The following PIF1 variants were observed in gnomAD, a reference collection of about 807,000 sequenced individuals.
PIF1 encodes PIF1 5'-to-3' DNA helicase, also known as ATP-dependent DNA helicase PIF1.
Under a neutral mutation model 62.3 loss-of-function variants are expected in PIF1, and 67 were observed. The observed-to-expected ratio is 1.08, with a 90% CI of 0.88 to 1.32. The LOEUF is 1.32. Ranked by LOEUF, PIF1 falls within the 40% of genes most tolerant of loss-of-function variation. The pLI, the probability that PIF1 is intolerant of heterozygous loss-of-function variation, is 0.00. For synonymous variants in PIF1, 364 were observed against 379.5 expected, an observed-to-expected ratio of 0.96 and a Z score of 0.47; for missense variants, 886 against 866.1, an observed-to-expected ratio of 1.02 and a Z score of -0.29.
chr15:64,823,966 G>A lies in PIF1; in HGVS notation c.370C>T (p.Leu124=), dbSNP rs1396907222. The change falls in exon 2 of 13, where the codon CTG becomes TTG. Residue 124 remains leucine, a synonymous_variant. Coordinates refer to ENST00000559239, the MANE Select transcript of PIF1 (RefSeq NM_001286496.2). The stretch of plus-strand genomic sequence containing the variant: ...GGCCCGGGACCCGGGGCCGCAGCCA[G>A]CTTGAGGCGCAATGTGCGCAGGAAG... ...RRFLRTLRLK[L]AAAPGPGPAS... is the part of the protein sequence containing the mutation. The A allele has an allele frequency of 1.5e-6, 2 of 1,303,760 alleles. No individual in the cohort carries two copies. The highest frequency in any genetic ancestry group is 4.6e-5 in the South Asian group (2 of 43,894). 80.8% of individuals were successfully genotyped at this position (1,303,760 alleles called of 1,614,324 possible).
chr15:64,826,647 TATATATATATATATATATAC>T (rs1424853821), upstream of PIF1, among the ~76,000 whole-genome samples: 5 of 34,626 alleles, frequency 1.4e-4, no homozygotes, highest in African/African-American at 4.9e-4. Context: ...TATATATATA[TATATATATATATATATATAC>T]ACACACACAC....
intron 11 of PIF1, 88 bp downstream of exon 11, chr15:64,817,858 T>G: frequency 7.0e-7 from 1 of 1,436,042 alleles, no homozygotes; most frequent in Non-Finnish European, 9.3e-7. Flanking sequence ...CAAGACTCTG[T>G]CTCAAAAATA....
rs1360369714 is a variant in PIF1, at chr15:64,824,139, G to C, written c.197C>G (p.Pro66Arg). 3.1e-6 allele frequency: 4 copies of C among 1,287,982 alleles called. No individual in the cohort carries two copies. The highest frequency in any genetic ancestry group is 3.9e-6 in the Non-Finnish European group (4 of 1,019,692). 79.8% of individuals were successfully genotyped at this position (1,287,982 alleles called of 1,614,324 possible). A position where few individuals can be genotyped will look rare whatever the true frequency, so the allele number is the denominator to read the frequency against. Residue 66 changes from proline (P) to arginine (R), a missense_variant, in exon 2 of 13, where the codon CCG becomes CGG. Pro to Arg is a moderately radical substitution (Grantham distance 103). Coordinates refer to ENST00000559239, the MANE Select transcript of PIF1 (RefSeq NM_001286496.2). ...RLQAPGPAGR[P>R]RCFPLRAARL... Reference sequence around the variant, plus strand: ...CGCGGCGCGCAGAGGAAAGCAGCGCGGCCGCCCCGCGGGCCCTGGCGCTTG... The same window carrying C: ...CGCGGCGCGCAGAGGAAAGCAGCGCCGCCGCCCCGCGGGCCCTGGCGCTTG...
At chr15:64,818,662 C>T in intron 9 of PIF1, 1 of 372,688 alleles carries the variant, frequency 2.7e-6, no homozygotes, top group Non-Finnish European at 4.9e-6. Context: ...CTGTGGACCA[C>T]AGATCTTGAG....
chr15:64,826,465 G>A (rs974339046), upstream of PIF1, among the ~76,000 whole-genome samples: 2 of 149,796 alleles, frequency 1.3e-5, no homozygotes, highest in African/African-American at 4.9e-5. Context: ...TCACTCTGTC[G>A]CCCAGGCTGT....
At chr15:64,824,493 AACACAAAGAGGTC>A in intron 1 of PIF1, 139 bp from the exon 2 acceptor site, 1 of 520,590 alleles carries the variant, frequency 1.9e-6, no homozygotes, top group Non-Finnish European at 3.0e-6. Context: ...TGTCACTGGT[AACACAAAGAGGTC>A]ACAAAGACGG....
In PIF1 at chr15:64,818,256, C is replaced by A. The variant is rs1378306842; in HGVS notation, c.1528+1G>T. 2 of 1,614,130 alleles carry A rather than the reference C, an allele frequency of 1.2e-6. No individual in the cohort carries two copies. Among genetic ancestry groups the A allele is most frequent in the South Asian group, 2.2e-5 (2 of 91,084 alleles). ...GACTGCCACCTCCTCCCAACACTTACCTCTCCCTTCTGCCTCGAACCCAAC... is the reference window on the plus strand; with the variant it reads ...GACTGCCACCTCCTCCCAACACTTAACTCTCCCTTCTGCCTCGAACCCAAC... On this transcript the variant is annotated splice_donor_variant, in intron 10 of 12. Coordinates refer to ENST00000559239, the MANE Select transcript of PIF1 (RefSeq NM_001286496.2). LOFTEE classifies it high-confidence loss of function.
rs377484333 is a variant in PIF1, at chr15:64,816,258, G to A, written c.*40C>T. 28 of 1,612,588 alleles carry A rather than the reference G, an allele frequency of 1.7e-5. No individual in the cohort carries two copies. The African/African-American group carries it at 3.2e-4, about 18-fold the overall frequency. ...CCACTAGGGAGCAGGAGGACGGGGA[G>A]GCCACAGGCCACCCTTTGTCTTCTC... On this transcript the variant is annotated 3_prime_UTR_variant, in exon 13 of 13. Transcript: ENST00000559239.
rs2084179105 is a variant in PIF1, at chr15:64,816,243, G to C, written c.*55C>G. 3 of 1,610,258 alleles carry C rather than the reference G, an allele frequency of 1.9e-6. No individual in the cohort carries two copies. The highest frequency in any genetic ancestry group is 1.3e-5 in the African/African-American group (1 of 74,898). ...CCCTGGGGCCCTGGGCCACTAGGGA[G>C]CAGGAGGACGGGGAGGCCACAGGCC... On this transcript the variant is annotated 3_prime_UTR_variant, in exon 13 of 13. Transcript: ENST00000559239.
chr15:64,818,371 G>A (rs1038147558), intron 9 of PIF1, 27 bp from the exon 10 acceptor site: 4 of 1,608,190 alleles, frequency 2.5e-6, no homozygotes, highest in African/African-American at 2.7e-5. Flanking sequence ...GGAATGGACA[G>A]CAGCCCCCCT....
upstream of PIF1, among the ~76,000 whole-genome samples, chr15:64,826,661 T>TATATATATATATAA (rs2084373463): frequency 3.8e-5 from 1 of 26,592 alleles, no homozygotes; most frequent in Non-Finnish European, 9.4e-5. Context: ...TATATATATA[T>TATATATATATATAA]ATATACACAC....
intron 1 of PIF1, 61 bp downstream of exon 1, chr15:64,825,508 C>T (rs2084356538): frequency 6.6e-6 from 1 of 152,080 alleles, no homozygotes; most frequent in South Asian, 2.1e-4. Flanking sequence ...CTCAGGCTGA[C>T]CCATTTGTTT....
In PIF1 at chr15:64,824,130, A is replaced by C; in HGVS notation, c.206T>G (p.Phe69Cys). The change falls in exon 2 of 13, where the codon TTT becomes TGT. Residue 69 changes from phenylalanine to cysteine, a missense_variant. Physicochemically the swap from Phe to Cys is radical, Grantham distance 205. Transcript: ENST00000559239. ...GAAGAGGCGCGCGGCGCGCAGAGGA[A>C]AGCAGCGCGGCCGCCCCGCGGGCCC... ...APGPAGRPRC[F>C]PLRAARLFTR... The C allele has an allele frequency of 7.8e-7, 1 of 1,283,052 alleles. No homozygotes were observed. The highest frequency in any genetic ancestry group is 9.8e-7 in the Non-Finnish European group (1 of 1,017,124). The allele number at this position is 1,283,052 out of a possible 1,614,324, so 79.5% of individuals were successfully genotyped here.
At chr15:64,823,745 C>A in intron 2 of PIF1, 33 bp downstream of exon 2, 1 of 1,294,078 alleles carries the variant, frequency 7.7e-7, no homozygotes, top group Admixed American at 3.4e-5. Flanking sequence ...GGCACATCTA[C>A]TCCTAAAGGT....
At chr15:64,826,645 TATATATATATATATATATATACAC>T (rs1434830147), upstream of PIF1, among the ~76,000 whole-genome samples, 1,259 of 32,736 alleles carry the variant, frequency 0.038, 78 homozygotes, top group African/African-American at 0.11. Context: ...TATATATATA[TATATATATATATATATATATACAC>T]ACACACACAC....
At chr15:64,821,801 G>T in intron 4 of PIF1, 1 of 366,032 alleles carries the variant, frequency 2.7e-6, no homozygotes, top group Non-Finnish European at 4.9e-6. Flanking sequence ...GTGCAGTGGC[G>T]TGATCTCGGC....
rs1209115790 is a variant in PIF1, at chr15:64,821,426, G to A, written c.912C>T (p.Val304=). The stretch of plus-strand genomic sequence containing the variant: ...CCTCCACCATTGAGATCTCGTCAAT[G>A]ACCAACCGCTGGCAGTTCAGCCAGC... ...RQGWLNCQRL[V]IDEISMVEAD... The change falls in exon 5 of 13, where the codon GTC becomes GTT. Residue 304 remains valine, a synonymous_variant. Transcript: ENST00000559239. 4.3e-6 allele frequency: 7 copies of A among 1,614,014 alleles called. No homozygotes were observed. Among genetic ancestry groups the A allele is most frequent in the African/African-American group, 1.3e-5 (1 of 74,936 alleles).
Position 64,822,580 on chromosome 15 carries a change from T to A in PIF1, c.589A>T (p.Arg197Trp), listed in dbSNP as rs761767895. Residue 197 changes from arginine (R) to tryptophan (W), a missense_variant, in exon 3 of 13, where the codon AGG becomes TGG. By Grantham distance (101) the Arg-to-Trp change is moderately radical (BLOSUM62 -3). Coordinates refer to ENST00000559239, the MANE Select transcript of PIF1 (RefSeq NM_001286496.2). Reference protein sequence around the residue: ...EAPRWPLPVKRLSLPSTKPQL... With the variant: ...EAPRWPLPVKWLSLPSTKPQL... ...GGCTTGGTGGAGGGCAAGCTCAGCC[T>A]CTTCACAGGCAGGGGCCACCTTGGG... 1 of 1,613,960 alleles carries A rather than the reference T, an allele frequency of 6.2e-7. No individual in the cohort carries two copies. The highest frequency in any genetic ancestry group is 2.2e-5 in the East Asian group (1 of 44,888).
At chr15:64,819,667 G>T (rs192127742) in intron 8 of PIF1, among the ~76,000 whole-genome samples, 180 bp downstream of exon 8, 3 of 152,152 alleles carry the variant, frequency 2.0e-5, no homozygotes, top group Admixed American at 6.5e-5. Flanking sequence ...GCGCAGGCCT[G>T]GGGGGCTGTG....
Sources: allele counts gnomAD v4.1 joint callset (sites outside exome capture counted in the v4.1 genomes callset), GRCh38; gene constraint gnomAD v4.1.1; transcripts MANE v1.5; gene names NCBI Gene and HGNC (gene_info 2026-07-23, HGNC 2026-07-21).